The following CHID1 variants were observed in gnomAD, a reference collection of about 807,000 sequenced individuals.
CHID1 encodes chitinase domain containing 1, also known as chitinase domain-containing protein 1.
In CHID1, 44 loss-of-function variants were observed where a neutral mutation model predicts 55.4. The observed-to-expected ratio is 0.79, with a 90% CI of 0.62 to 1.02. The LOEUF (loss-of-function observed/expected upper bound fraction) is 1.02. Ranked by LOEUF, CHID1 falls within the 50% of genes least tolerant of loss-of-function variation. The pLI, the probability that CHID1 is intolerant of heterozygous loss-of-function variation, is 0.00. For missense variants in CHID1, 491 were observed against 515.3 expected (o/e 0.95, Z 0.46); for synonymous variants, 216 against 212.9 (o/e 1.01, Z -0.13).
chr11:899,819 A>T (rs571196422), intron 6 of CHID1, among the ~76,000 whole-genome samples, 185 bp downstream of exon 6: 1 of 152,370 alleles, frequency 6.6e-6, no homozygotes, highest in South Asian at 2.1e-4. Context: ...ACCCATGGTC[A>T]AGAAAGCGAG....
Position 906,446 on chromosome 11 carries a change from C to T in CHID1, c.-43-1587G>A, listed in dbSNP as rs569433721. On this transcript the variant is annotated intron_variant, in intron 1 of 12. Coordinates refer to ENST00000323578, the MANE Select transcript of CHID1 (RefSeq NM_023947.4). ...TAGAAATGGGGTTTCGCCACGTTGG[C>T]CAGGTTGGTCTCAAGCTCCTGGCCT... Among the ~76,000 whole-genome samples, 39 of 152,190 alleles carry T rather than the reference C, an allele frequency of 2.6e-4. 1 individual carries two copies. The South Asian group carries it at 6.6e-3, about 26-fold the overall frequency.
chr11:886,267 C>T (rs1385475902), intron 8 of CHID1, among the ~76,000 whole-genome samples: 1 of 151,700 alleles, frequency 6.6e-6, no homozygotes, highest in East Asian at 1.9e-4. Context: ...GGAGTCCAGC[C>T]TGGGGAACAC....
chr11:910,987 A>G (rs1477093957), upstream of CHID1: 1 of 180,232 alleles, frequency 5.5e-6, no homozygotes, highest in Admixed American at 6.7e-5. Context: ...CCGGGGGCGG[A>G]CCCCGGGCCC....
At chr11:908,745 C>A in intron 1 of CHID1, 1 of 289,782 alleles carries the variant, frequency 3.5e-6, no homozygotes, top group Non-Finnish European at 5.2e-6. Context: ...ACCCAGTGAC[C>A]AACCACTATA....
chr11:872,394 G>C (rs1268206782), intron 10 of CHID1, among the ~76,000 whole-genome samples: 2 of 152,158 alleles, frequency 1.3e-5, no homozygotes, highest in Non-Finnish European at 2.9e-5. Flanking sequence ...CTGACCTCAA[G>C]TGACTGCCTG....
At chr11:880,052 A>C (rs776934412) in intron 10 of CHID1, among the ~76,000 whole-genome samples, 3 of 152,240 alleles carry the variant, frequency 2.0e-5, no homozygotes, top group Non-Finnish European at 2.9e-5. Context: ...TTGGGCAGAC[A>C]GGGCGGCCGG....
chr11:879,566 G>A (rs1377134709), intron 10 of CHID1, among the ~76,000 whole-genome samples: 4 of 38,734 alleles, frequency 1.0e-4, no homozygotes, highest in South Asian at 2.1e-3. Flanking sequence ...GAGGTCCTGG[G>A]AGGAGCCGAC....
intron 6 of CHID1, 79 bp from the exon 7 acceptor site, chr11:899,480 G>C: frequency 7.5e-7 from 1 of 1,333,884 alleles, no homozygotes; most frequent in Non-Finnish European, 1.0e-6. Flanking sequence ...CCGCCACCTC[G>C]GCCCACATGG....
intron 1 of CHID1, among the ~76,000 whole-genome samples, chr11:908,854 C>T (rs1374432213): frequency 6.6e-6 from 1 of 152,236 alleles, no homozygotes; most frequent in Non-Finnish European, 1.5e-5. Context: ...CCCTGCCCCC[C>T]AACCTGTGAT....
chr11:868,129 C>G lies in CHID1; in HGVS notation c.*1729G>C, dbSNP rs1054707922. On this transcript the variant is annotated 3_prime_UTR_variant, in exon 13 of 13. Transcript: ENST00000323578. ...AATGCTGATCTGGCAATGCCTAGCTCCAGGCCCACACCACCCTCCCAGACC... is the reference window on the plus strand; with the variant it reads ...AATGCTGATCTGGCAATGCCTAGCTGCAGGCCCACACCACCCTCCCAGACC... 2.0e-5 allele frequency: 3 copies of G among 152,084 alleles called. No individual in the cohort carries two copies. The highest frequency in any genetic ancestry group is 4.4e-5 in the Non-Finnish European group (3 of 68,020). 9.4% of individuals were successfully genotyped at this position (152,084 alleles called of 1,614,324 possible).
chr11:910,814 C>G (rs1363860627), upstream of CHID1: 28 of 1,104,128 alleles, frequency 2.5e-5, no homozygotes, highest in Middle Eastern at 4.0e-4. Flanking sequence ...AACGCACGGC[C>G]GGAAAACGCT....
intron 10 of CHID1, chr11:870,819 G>T: frequency 6.7e-6 from 2 of 299,850 alleles, no homozygotes; most frequent in South Asian, 8.0e-5. Flanking sequence ...CCGCGCAGCG[G>T]CTGCTGGACA....
chr11:910,036 G>A (rs928972472), intron 1 of CHID1, among the ~76,000 whole-genome samples: 3 of 151,664 alleles, frequency 2.0e-5, no homozygotes, highest in African/African-American at 4.9e-5. Context: ...TCCAGCCTGG[G>A]TGACAGCGTG....
At chr11:891,482 C>G (rs561934792) in intron 8 of CHID1, among the ~76,000 whole-genome samples, 1 of 152,206 alleles carries the variant, frequency 6.6e-6, no homozygotes, top group South Asian at 2.1e-4. Flanking sequence ...GCCAGAAGCT[C>G]AGGCAGAGGC....
At chr11:910,606 C>A in intron 1 of CHID1, 169 bp downstream of exon 1, 1 of 1,245,982 alleles carries the variant, frequency 8.0e-7, no homozygotes, top group South Asian at 1.3e-5. Context: ...CACCCTCTCA[C>A]ACGCCCCCTC....
chr11:909,056 C>T (rs374962332), intron 1 of CHID1, among the ~76,000 whole-genome samples: 3 of 152,342 alleles, frequency 2.0e-5, no homozygotes, highest in South Asian at 4.1e-4. Context: ...TGCTGGGCTG[C>T]TTCTTTGACT....
chr11:894,617 T>G (rs564955472), intron 7 of CHID1, among the ~76,000 whole-genome samples: 3 of 152,298 alleles, frequency 2.0e-5, no homozygotes, highest in Non-Finnish European at 4.4e-5. Flanking sequence ...CAGCCCCATC[T>G]GGGGAGGAGA....
intron 7 of CHID1, among the ~76,000 whole-genome samples, chr11:898,074 A>C (rs2134290492): frequency 6.6e-6 from 1 of 152,256 alleles, no homozygotes; most frequent in East Asian, 1.9e-4. Flanking sequence ...AGCCACTCAC[A>C]GGGGCAGGGC....
intron 10 of CHID1, among the ~76,000 whole-genome samples, chr11:876,279 C>T (rs1403470097): frequency 1.3e-5 from 2 of 152,130 alleles, no homozygotes; most frequent in Non-Finnish European, 2.9e-5. Flanking sequence ...ACGTTGCAGG[C>T]AGTGAGCCCT....
Sources: allele counts gnomAD v4.1 joint callset (sites outside exome capture counted in the v4.1 genomes callset), GRCh38; gene constraint gnomAD v4.1.1; transcripts MANE v1.5; gene names NCBI Gene and HGNC (gene_info 2026-07-23, HGNC 2026-07-21).